The following RRP15 variants were observed in gnomAD, a reference collection of about 807,000 sequenced individuals.
The protein encoded by RRP15 is RRP15-like protein.
A neutral mutation model predicts 27.1 loss-of-function variants in RRP15; 18 were observed. The ratio of observed to expected loss-of-function variants is 0.66; its 90% confidence interval spans 0.46 to 0.98. The LOEUF (loss-of-function observed/expected upper bound fraction) is 0.98. RRP15 is among the 50% of genes least tolerant of loss of function. RRP15 has a pLI of 0.00. For missense variants in RRP15, 359 were observed against 337.8 expected (o/e 1.06, Z -0.49); for synonymous variants, 107 against 109.4 (o/e 0.98, Z 0.14).
intron 1 of RRP15, among the ~76,000 whole-genome samples, chr1:218,299,275 TAA>T (rs1190418752): frequency 1.4e-4 from 22 of 152,098 alleles, no homozygotes; most frequent in Non-Finnish European, 2.5e-4. Flanking sequence ...TTTAAGAAAA[TAA>T]TAAAATAAAA....
chr1:218,296,782 G>C (rs564701962), intron 1 of RRP15, among the ~76,000 whole-genome samples: 1 of 152,182 alleles, frequency 6.6e-6, no homozygotes, highest in Admixed American at 6.5e-5. Flanking sequence ...AAAGGTTGTA[G>C]CACAGAGACA....
At position 218,305,158 on chromosome 1, in the gene RRP15, G is replaced by A. The variant is rs200245630; in HGVS notation, c.503+33G>A. The A allele has an allele frequency of 7.2e-5, 108 of 1,496,842 alleles. No homozygotes were observed. In the African/African-American group the frequency reaches 1.3e-3, roughly 18 times the overall value. The allele number at this position is 1,496,842 out of a possible 1,614,324, so 92.7% of individuals were successfully genotyped here. A position where few individuals can be genotyped will look rare whatever the true frequency, so the allele number is the denominator to read the frequency against. ...AGTGTTTTTGCCCTTTAAAAAATAA[G>A]TATACTAAAGCTATCATAGTGGTTC... On this transcript the variant is annotated intron_variant, in intron 3 of 4. Transcript: ENST00000366932.
intron 4 of RRP15, among the ~76,000 whole-genome samples, chr1:218,314,030 A>AT (rs1656042309): frequency 6.7e-6 from 1 of 149,380 alleles, no homozygotes; most frequent in African/African-American, 2.5e-5. Flanking sequence ...TTATTTTATT[A>AT]TTTTTAAAGA....
In RRP15 at chr1:218,315,582, C is replaced by T. The variant is rs11118079; in HGVS notation, c.705+7950C>T. Among the ~76,000 whole-genome samples the T allele has an allele frequency of 1.9e-3, 286 of 151,930 alleles. 8 individuals are homozygous for T. In the East Asian group the frequency reaches 0.036, roughly 19 times the overall value. ...AGCTGAGATTACAGGCGCATGCCAC[C>T]GCACCTGGCTTTATTTTTTTATTAT... On this transcript the variant is annotated intron_variant, in intron 4 of 4. Transcript: ENST00000366932.
intron 2 of RRP15, among the ~76,000 whole-genome samples, chr1:218,303,017 A>T (rs769357185): frequency 6.6e-6 from 1 of 152,134 alleles, no homozygotes; most frequent in Non-Finnish European, 1.5e-5. Flanking sequence ...TCAGTGTTAG[A>T]TACAAATCAG....
rs763657451 is a variant in RRP15 at position 218,305,047 on chromosome 1, G to T, written c.425G>T (p.Trp142Leu). 38 of 1,613,542 alleles carry T rather than the reference G, an allele frequency of 2.4e-5. No individual in the cohort carries two copies. The highest frequency in any genetic ancestry group is 8.3e-5 in the Admixed American group (5 of 59,976). The change falls in exon 3 of 5, where the codon TGG (tryptophan) becomes TTG (leucine). Residue 142 changes from tryptophan (W) to leucine (L), a missense_variant. Trp to Leu is a moderately conservative substitution (Grantham distance 61, BLOSUM62 -2). Coordinates refer to ENST00000366932, the MANE Select transcript of RRP15 (RefSeq NM_016052.4). ...ACGCAGCGTGATAAGAGGCTGGAGT[G>T]GGAAATGATGTGCAGAGTAAAGCCA... ...KIKQRDKRLE[W>L]EMMCRVKPDV...
intron 1 of RRP15, among the ~76,000 whole-genome samples, chr1:218,288,364 A>G (rs1396426978): frequency 6.6e-6 from 1 of 152,222 alleles, no homozygotes; most frequent in Admixed American, 6.5e-5. Context: ...TTTTGGGCAT[A>G]CTACACTGTT....
chr1:218,327,898 C>A (rs1465833693), intron 4 of RRP15, among the ~76,000 whole-genome samples: 1 of 152,194 alleles, frequency 6.6e-6, no homozygotes, highest in Non-Finnish European at 1.5e-5. Context: ...CAAAAACCAT[C>A]ACTAAGAAAA....
chr1:218,328,458 T>A (rs528005879), intron 4 of RRP15, among the ~76,000 whole-genome samples: 6 of 152,014 alleles, frequency 3.9e-5, no homozygotes, highest in Admixed American at 2.6e-4. Context: ...GTCAGGAGAT[T>A]GAGACCATCC....
rs997762951 is a variant in RRP15, at chr1:218,335,169, A to C, written c.*4078A>C. Reference sequence around the variant, plus strand: ...TAGAGTGTTTTCTAGCTTAGAGAGCAATATTAATATTTTTTACCTAGTCTA... The same window carrying C: ...TAGAGTGTTTTCTAGCTTAGAGAGCCATATTAATATTTTTTACCTAGTCTA... On this transcript the variant is annotated 3_prime_UTR_variant, in exon 5 of 5. Transcript: ENST00000366932. 6.6e-6 allele frequency: 1 copy of C among 152,178 alleles called. No individual in the cohort carries two copies. Among genetic ancestry groups the C allele is most frequent in the Non-Finnish European group, 1.5e-5 (1 of 68,024 alleles). The allele number at this position is 152,178 out of a possible 1,614,324, so 9.4% of individuals were successfully genotyped here.
At chr1:218,285,767 G>A (rs1414810156) in intron 1 of RRP15, among the ~76,000 whole-genome samples, 1 of 152,080 alleles carries the variant, frequency 6.6e-6, no homozygotes. Context: ...GAAAGGAAGA[G>A]GGTACTTGAA....
intron 1 of RRP15, 46 bp from the exon 2 acceptor site, chr1:218,302,248 C>A: frequency 6.6e-7 from 1 of 1,515,376 alleles, no homozygotes; most frequent in Non-Finnish European, 9.1e-7. Context: ...GCAGCCTCTG[C>A]CTAGGATATT....
At position 218,334,739 on chromosome 1, in the gene RRP15, ATAT is replaced by A. The variant is rs1656423648; in HGVS notation, c.*3652_*3654del. On this transcript the variant is annotated 3_prime_UTR_variant, in exon 5 of 5. Coordinates refer to ENST00000366932, the MANE Select transcript of RRP15 (RefSeq NM_016052.4). ...GGTATAGACGCTATAAGCCCTGTAG[ATAT>A]TATGGGTATGAAGACTATTTGAGGT... The A allele has an allele frequency of 6.6e-6, 1 of 152,144 alleles. No individual in the cohort carries two copies. The highest frequency in any genetic ancestry group is 2.4e-5 in the African/African-American group (1 of 41,418). The allele number at this position is 152,144 out of a possible 1,614,324, so 9.4% of individuals were successfully genotyped here.
chr1:218,314,003 T>C (rs1656041329), intron 4 of RRP15, among the ~76,000 whole-genome samples: 1 of 151,520 alleles, frequency 6.6e-6, no homozygotes, highest in Non-Finnish European at 1.5e-5. Flanking sequence ...TTTTATTTTA[T>C]TTTATTTTAT....
intron 4 of RRP15, among the ~76,000 whole-genome samples, chr1:218,309,682 C>CAAAAAAAA (rs751452477): frequency 4.4e-5 from 1 of 22,502 alleles, no homozygotes; most frequent in Non-Finnish European, 1.3e-4. Context: ...GACTCCATCT[C>CAAAAAAAA]AAAAAAAAAA....
intron 1 of RRP15, among the ~76,000 whole-genome samples, chr1:218,289,048 T>C (rs1205846951): frequency 6.6e-6 from 1 of 152,196 alleles, no homozygotes; most frequent in East Asian, 1.9e-4. Context: ...TACTTTAGGA[T>C]TGTTGTAACA....
chr1:218,292,464 C>T (rs1208115343), intron 1 of RRP15, among the ~76,000 whole-genome samples: 1 of 152,142 alleles, frequency 6.6e-6, no homozygotes, highest in Non-Finnish European at 1.5e-5. Context: ...AGGAAGAACA[C>T]CAGTTTACAA....
At chr1:218,306,604 A>G (rs778301710) in intron 3 of RRP15, among the ~76,000 whole-genome samples, 9 of 152,210 alleles carry the variant, frequency 5.9e-5, no homozygotes, top group Non-Finnish European at 1.2e-4. Context: ...AAATTCATAG[A>G]TTGCAGAATT....
chr1:218,308,900 G>A (rs1655944950), intron 4 of RRP15, among the ~76,000 whole-genome samples: 1 of 152,194 alleles, frequency 6.6e-6, no homozygotes. Context: ...GAAAGATTCA[G>A]CAACATTGGA....
Sources: gnomAD v4.1 joint callset for allele counts (sites outside exome capture counted in the v4.1 genomes callset) on GRCh38, gnomAD v4.1.1 for gene constraint, MANE v1.5 for transcripts, NCBI Gene and HGNC (gene_info 2026-07-23, HGNC 2026-07-21) for gene names.